Variants in CIT observed in about 807,000 individuals in gnomAD.
CIT encodes the protein citron Rho-interacting kinase.
Under a neutral mutation model 272.7 loss-of-function variants are expected in CIT, and 79 were observed. The ratio of observed to expected loss-of-function variants is 0.29; its 90% CI spans 0.24 to 0.35. The LOEUF (loss-of-function observed/expected upper bound fraction) is 0.35. CIT is among the 10% of genes least tolerant of loss of function. CIT has a pLI of 1.00. For synonymous variants in CIT, 948 were observed against 995.6 expected (o/e 0.95, Z 0.90); for missense variants, 1,909 against 2,618.3 (o/e 0.73, Z 5.91).
chr12:119,838,572 G>T (rs1216068592), intron 5 of CIT, among the ~76,000 whole-genome samples: 1 of 152,116 alleles, frequency 6.6e-6, no homozygotes, highest in African/African-American at 2.4e-5. Flanking sequence ...CACTGTGTTG[G>T]GACCCACTGC....
chr12:119,861,459 T>C (rs11064938), intron 3 of CIT, among the ~76,000 whole-genome samples: 7,786 of 151,992 alleles, frequency 0.051, 384 homozygotes, highest in African/African-American at 0.13. Flanking sequence ...TCGTGGCGCA[T>C]GCCTGCAATG....
intron 9 of CIT, among the ~76,000 whole-genome samples, chr12:119,815,008 A>T (rs1344138591): frequency 6.7e-6 from 1 of 149,712 alleles, no homozygotes; most frequent in African/African-American, 2.5e-5. Context: ...ACTGCACTCC[A>T]GCCTGGCTGA....
intron 21 of CIT, among the ~76,000 whole-genome samples, chr12:119,758,003 G>T (rs1476941664): frequency 6.6e-6 from 1 of 152,138 alleles, no homozygotes; most frequent in Non-Finnish European, 1.5e-5. Flanking sequence ...CCAGCAAACT[G>T]CTTAGAAGTA....
At chr12:119,703,899 G>A (rs546472629) in intron 41 of CIT, among the ~76,000 whole-genome samples, 6 of 152,282 alleles carry the variant, frequency 3.9e-5, no homozygotes, top group South Asian at 2.1e-4. Context: ...ACTCTGCTCC[G>A]AAAAGAAGGA....
intron 6 of CIT, 127 bp from the exon 7 acceptor site, chr12:119,832,991 T>C: frequency 3.5e-6 from 2 of 576,942 alleles, no homozygotes; most frequent in South Asian, 2.6e-5. Flanking sequence ...CCTCTATTGG[T>C]GGATATAAAT....
At chr12:119,755,242 C>T (rs1398768980) in intron 22 of CIT, among the ~76,000 whole-genome samples, 1 of 151,970 alleles carries the variant, frequency 6.6e-6, no homozygotes, top group African/African-American at 2.4e-5. Context: ...ATAGCAAGAC[C>T]CCATTGCTAG....
At chr12:119,734,379 T>C in intron 25 of CIT, 22 bp from the exon 26 acceptor site, 1 of 1,607,982 alleles carries the variant, frequency 6.2e-7, no homozygotes, top group Non-Finnish European at 8.5e-7. Flanking sequence ...TAGCACTGAT[T>C]TGTGCCTTGT....
chr12:119,864,282 T>C (rs1950453252), intron 3 of CIT, among the ~76,000 whole-genome samples: 1 of 152,132 alleles, frequency 6.6e-6, no homozygotes, highest in African/African-American at 2.4e-5. Flanking sequence ...TTATCAACAC[T>C]TTTCTGTGTA....
intron 30 of CIT, chr12:119,719,100 T>C (rs1957701042): frequency 2.1e-6 from 1 of 473,434 alleles, no homozygotes; most frequent in Admixed American, 3.3e-5. Context: ...GATGCTTGAA[T>C]GGCCACCACC....
At position 119,777,539 on chromosome 12, in the gene CIT, G is replaced by A. The variant is rs148569379; in HGVS notation, c.1666-697C>T. Among the ~76,000 whole-genome samples, 601 of 151,500 alleles carry A rather than the reference G, an allele frequency of 4.0e-3. 4 individuals carry two copies. The highest frequency in any genetic ancestry group is 6.7e-3 in the East Asian group (34 of 5,094). ...ACAAAAATTAGCCAGGTGTGGTGGT[G>A]GACGCCTGTAATCCCAGCTAGTCAG... On this transcript the variant is annotated intron_variant, in intron 13 of 47. Transcript: ENST00000392521.
intron 40 of CIT, 72 bp downstream of exon 40, chr12:119,708,107 G>T (rs980504743): frequency 9.1e-5 from 127 of 1,390,626 alleles, no homozygotes; most frequent in Non-Finnish European, 1.2e-4. Flanking sequence ...TCAAATCAAC[G>T]AGCTCTGTGG....
chr12:119,712,517 C>T lies in CIT; in HGVS notation c.4684+74G>A. ...CTTTGCAGAGCCAATCTTCCCTGTA[C>T]CACCCCTTCTGTCCCTGCTGATTGG... On this transcript the variant is annotated intron_variant, in intron 36 of 47. Coordinates refer to ENST00000392521, the MANE Select transcript of CIT (RefSeq NM_001206999.2). The surrounding 1 kb of genome is among the most constrained non-coding windows in gnomAD (Gnocchi z 5.2). The T allele has an allele frequency of 2.1e-6, 3 of 1,457,338 alleles. No homozygotes were observed. The highest frequency in any genetic ancestry group is 1.2e-5 in the South Asian group (1 of 85,804). 90.3% of individuals were successfully genotyped at this position (1,457,338 alleles called of 1,614,324 possible). A position where few individuals can be genotyped will look rare whatever the true frequency, so the allele number is the denominator to read the frequency against.
chr12:119,815,111 C>CACACA (rs1967047168), intron 9 of CIT, among the ~76,000 whole-genome samples: 1 of 20,942 alleles, frequency 4.8e-5, no homozygotes, highest in Non-Finnish European at 1.0e-4. Context: ...ACACAACACA[C>CACACA]ACACACACAC....
In CIT at chr12:119,829,809, T is replaced by A. The variant is rs78694656; in HGVS notation, c.753+2962A>T. On this transcript the variant is annotated intron_variant, in intron 7 of 47. Transcript: ENST00000392521. The stretch of plus-strand genomic sequence containing the variant: ...AAATACTCCAAAGCAACATTCTGAA[T>A]GAGAAGCTTGAAATAAGACAATGGA... Among the ~76,000 whole-genome samples, 407 of 152,184 alleles carry A rather than the reference T, an allele frequency of 2.7e-3. 3 individuals are homozygous for A. The highest frequency in any genetic ancestry group is 9.3e-3 in the African/African-American group (385 of 41,520).
intron 24 of CIT, 39 bp from the exon 25 acceptor site, chr12:119,735,396 T>G (rs199685814): frequency 8.1e-6 from 13 of 1,596,466 alleles, no homozygotes; most frequent in Non-Finnish European, 1.1e-5. Flanking sequence ...GCCAAGCACA[T>G]TCATTTCAAA....
intron 22 of CIT, 113 bp downstream of exon 22, chr12:119,757,258 A>T: frequency 7.3e-7 from 1 of 1,362,514 alleles, no homozygotes; most frequent in African/African-American, 1.4e-5. Context: ...CTGCCCCCTT[A>T]ACCACCAAGC....
chr12:119,839,053 A>G (rs1969218258), intron 5 of CIT, among the ~76,000 whole-genome samples: 1 of 152,228 alleles, frequency 6.6e-6, no homozygotes, highest in African/African-American at 2.4e-5. Flanking sequence ...TCAGGCCAAC[A>G]GAGACAGACC....
In CIT at chr12:119,818,968, A is replaced by G. The variant is rs540122277; in HGVS notation, c.1111+3852T>C. 2.0e-5 allele frequency among the ~76,000 whole-genome samples: 3 copies of G among 152,312 alleles called. No individual in the cohort carries two copies. The East Asian group carries it at 5.8e-4, about 29-fold the overall frequency. ...CAGGTACACGATGCCAGGCAAGGTAAGCATAATCCCAAAGGCATGAAAGAG... is the reference window on the plus strand; with the variant it reads ...CAGGTACACGATGCCAGGCAAGGTAGGCATAATCCCAAAGGCATGAAAGAG... On this transcript the variant is annotated intron_variant, in intron 9 of 47. Coordinates refer to ENST00000392521, the MANE Select transcript of CIT (RefSeq NM_001206999.2).
chr12:119,874,233 G>T (rs550343377), intron 2 of CIT, among the ~76,000 whole-genome samples: 2 of 152,002 alleles, frequency 1.3e-5, no homozygotes, highest in Non-Finnish European at 2.9e-5. Flanking sequence ...ACCATGCCCA[G>T]CTAATTTTCT....
Sources: gnomAD v4.1 joint callset for allele counts (sites outside exome capture counted in the v4.1 genomes callset) on GRCh38, gnomAD v4.1.1 for gene constraint, Gnocchi (gnomAD v3.1) non-coding constraint, MANE v1.5 for transcripts, NCBI Gene and HGNC (gene_info 2026-07-23, HGNC 2026-07-21) for gene names.